RBFOX1: variants seen among roughly 807,000 people sequenced by gnomAD.
The protein encoded by RBFOX1 is RNA binding fox-1 homolog 1.
In RBFOX1, 8 loss-of-function variants were observed where a neutral mutation model predicts 57.7. The ratio of observed to expected loss-of-function variants is 0.14; its 90% CI spans 0.08 to 0.25. RBFOX1 has a LOEUF of 0.25. Among genes scored for constraint, RBFOX1 ranks in the 10% least tolerant of loss-of-function variants. The pLI is 1.00. For synonymous variants in RBFOX1, 326 were observed against 222.4 expected (o/e 1.47, Z -4.15); for missense variants, 611 against 548.5 (o/e 1.11, Z -1.14).
chr16:6,991,951 GT>G (rs952856204), intron 3 of RBFOX1, among the ~76,000 whole-genome samples: 1 of 152,152 alleles, frequency 6.6e-6, no homozygotes, highest in African/African-American at 2.4e-5. Flanking sequence ...TGGTGGGGGT[GT>G]CCCAGATCCT....
chr16:6,099,893 G>A (rs2096283887), intron 1 of RBFOX1, among the ~76,000 whole-genome samples: 1 of 152,094 alleles, frequency 6.6e-6, no homozygotes, highest in Non-Finnish European at 1.5e-5. Flanking sequence ...TCTTTTCTCT[G>A]TATGTCATTT....
intron 4 of RBFOX1, among the ~76,000 whole-genome samples, chr16:7,492,148 T>A (rs1023441085): frequency 5.3e-5 from 8 of 152,204 alleles, no homozygotes; most frequent in Non-Finnish European, 1.2e-4. Context: ...TAGCATGATT[T>A]TGTCTGCCTT....
intron 4 of RBFOX1, among the ~76,000 whole-genome samples, chr16:7,320,556 T>C (rs982224299): frequency 1.1e-4 from 17 of 152,256 alleles, no homozygotes; most frequent in African/African-American, 4.1e-4. Context: ...ACCACTTTTG[T>C]ACTAGTCCAG....
chr16:5,269,534 G>C (rs1401322097), intron 1 of RBFOX1, among the ~76,000 whole-genome samples: 1 of 152,194 alleles, frequency 6.6e-6, no homozygotes, highest in Non-Finnish European at 1.5e-5. Flanking sequence ...AATATTATTT[G>C]ATCACAAAAA....
intron 3 of RBFOX1, among the ~76,000 whole-genome samples, chr16:5,671,031 G>A (rs2049998294): frequency 6.6e-6 from 1 of 152,228 alleles, no homozygotes; most frequent in Non-Finnish European, 1.5e-5. Flanking sequence ...AAGCCATCCA[G>A]CAGAGTAAAT....
At chr16:6,677,598 A>G (rs558244964) in intron 3 of RBFOX1, among the ~76,000 whole-genome samples, 1 of 152,354 alleles carries the variant, frequency 6.6e-6, no homozygotes, top group South Asian at 2.1e-4. Context: ...TTAGAGCCTT[A>G]CATTTTCAAT....
intron 5 of RBFOX1, among the ~76,000 whole-genome samples, chr16:7,521,289 C>A (rs1322323459): frequency 1.3e-5 from 2 of 152,128 alleles, no homozygotes; most frequent in Non-Finnish European, 2.9e-5. Context: ...AAAAGATGAA[C>A]CGGGAGGAAT....
chr16:7,272,014 T>C (rs907013982), intron 4 of RBFOX1, among the ~76,000 whole-genome samples: 1 of 152,176 alleles, frequency 6.6e-6, no homozygotes, highest in Non-Finnish European at 1.5e-5. Context: ...CATAGTGTTT[T>C]TGGGAATAGA....
At chr16:6,554,971 G>C (rs994229380) in intron 2 of RBFOX1, among the ~76,000 whole-genome samples, 1 of 152,138 alleles carries the variant, frequency 6.6e-6, no homozygotes, top group Non-Finnish European at 1.5e-5. Flanking sequence ...AGTACATCCA[G>C]GTTCTTTTCC....
chr16:6,124,376 C>T (rs917682913), intron 1 of RBFOX1, among the ~76,000 whole-genome samples: 2 of 152,094 alleles, frequency 1.3e-5, no homozygotes, highest in Non-Finnish European at 2.9e-5. Flanking sequence ...GGAGTCATTG[C>T]CTTTGTATTG....
chr16:7,186,242 A>ATAAATG (rs1229243238), intron 4 of RBFOX1, among the ~76,000 whole-genome samples: 13 of 126,396 alleles, frequency 1.0e-4, no homozygotes, highest in Non-Finnish European at 1.9e-4. Flanking sequence ...ACATATTTAT[A>ATAAATG]TAAACATAAA....
At chr16:5,665,791 C>T (rs879350646) in intron 3 of RBFOX1, among the ~76,000 whole-genome samples, 2 of 152,226 alleles carry the variant, frequency 1.3e-5, no homozygotes, top group African/African-American at 4.8e-5. Context: ...CGGGCACAGT[C>T]GTGCTCCCGG....
chr16:7,095,466 G>C (rs1416347644), intron 4 of RBFOX1, among the ~76,000 whole-genome samples: 3 of 152,158 alleles, frequency 2.0e-5, no homozygotes, highest in Non-Finnish European at 2.9e-5. Context: ...TAGAACTCAT[G>C]ACAAAATGAA....
chr16:7,209,772 C>T (rs544290265), intron 4 of RBFOX1, among the ~76,000 whole-genome samples: 2 of 152,088 alleles, frequency 1.3e-5, no homozygotes, highest in African/African-American at 2.4e-5. Flanking sequence ...TGCCCAGGGG[C>T]GTTCTGTTGT....
At chr16:5,488,379 G>T (rs1471522736) in intron 2 of RBFOX1, among the ~76,000 whole-genome samples, 1 of 150,864 alleles carries the variant, frequency 6.6e-6, no homozygotes, top group Non-Finnish European at 1.5e-5. Flanking sequence ...GATGATGATG[G>T]TGGAAGATGC....
intron 10 of RBFOX1, among the ~76,000 whole-genome samples, chr16:7,613,248 GT>G (rs1267022507): frequency 2.6e-5 from 4 of 152,164 alleles, no homozygotes; most frequent in African/African-American, 9.7e-5. Flanking sequence ...ACAATTTGTG[GT>G]TTTGAGAGGG....
chr16:7,173,211 A>G (rs1003705306), intron 4 of RBFOX1, among the ~76,000 whole-genome samples: 77 of 152,340 alleles, frequency 5.1e-4, no homozygotes, highest in African/African-American at 1.8e-3. Context: ...AAAGAAAAAC[A>G]TCACTACTTT....
intron 1 of RBFOX1, among the ~76,000 whole-genome samples, chr16:6,160,707 A>T (rs8046791): frequency 0.57 from 86,205 of 152,018 alleles, 25,746 homozygotes; most frequent in Admixed American, 0.68. Flanking sequence ...ATAACCTGGT[A>T]CCTGGCACCA....
At chr16:5,709,470 T>A (rs1252739709) in intron 3 of RBFOX1, among the ~76,000 whole-genome samples, 1 of 152,020 alleles carries the variant, frequency 6.6e-6, no homozygotes, top group Non-Finnish European at 1.5e-5. Flanking sequence ...ATTCATTTCC[T>A]TTCTCCTCCC....
Sources: gnomAD v4.1 joint callset for allele counts (sites outside exome capture counted in the v4.1 genomes callset) on GRCh38, gnomAD v4.1.1 for gene constraint, MANE v1.5 for transcripts, NCBI Gene and HGNC (gene_info 2026-07-23, HGNC 2026-07-21) for gene names.